The following TYW1 variants were observed in gnomAD, a reference collection of about 807,000 sequenced individuals.
TYW1 encodes the protein tRNA-yW synthesizing protein 1 homolog, also known as S-adenosyl-L-methionine-dependent tRNA 4-demethylwyosine synthase TYW1.
In TYW1, 46 loss-of-function variants were observed where a neutral mutation model predicts 96.2. The observed-to-expected ratio is 0.48, with a 90% CI of 0.38 to 0.61. The LOEUF is 0.61. TYW1 is among the 20% of genes least tolerant of loss of function. The pLI, the probability that TYW1 is intolerant of heterozygous loss-of-function variation, is 0.00. For missense variants in TYW1, 684 were observed against 909.6 expected (o/e 0.75, Z 3.19); for synonymous variants, 274 against 323.0 (o/e 0.85, Z 1.63).
At chr7:67,112,406 A>G (rs1172962721) in intron 12 of TYW1, among the ~76,000 whole-genome samples, 2 of 152,078 alleles carry the variant, frequency 1.3e-5, no homozygotes, top group Admixed American at 6.6e-5. Context: ...ACCTGAGGCC[A>G]GGAATTTAAG....
At chr7:67,124,304 G>A (rs765700052) in intron 13 of TYW1, among the ~76,000 whole-genome samples, 7 of 152,114 alleles carry the variant, frequency 4.6e-5, no homozygotes, top group Admixed American at 2.6e-4. Flanking sequence ...TCCTTTTGTT[G>A]CCCAAGCTGG....
intron 10 of TYW1, among the ~76,000 whole-genome samples, chr7:67,079,685 G>A (rs1796321926): frequency 6.6e-6 from 1 of 151,930 alleles, no homozygotes; most frequent in Non-Finnish European, 1.5e-5. Context: ...TGCATTGTTA[G>A]ATTGATATTT....
At chr7:67,001,907 G>A (rs1359453090) in intron 3 of TYW1, among the ~76,000 whole-genome samples, 3 of 151,858 alleles carry the variant, frequency 2.0e-5, no homozygotes, top group Non-Finnish European at 2.9e-5. Flanking sequence ...GGTGGTGCAC[G>A]TCTGTAATTC....
At chr7:67,000,993 A>G (rs1332033299) in intron 3 of TYW1, among the ~76,000 whole-genome samples, 2 of 152,060 alleles carry the variant, frequency 1.3e-5, no homozygotes, top group Non-Finnish European at 2.9e-5. Context: ...CCTGAAAAAA[A>G]GCAAAAAGGT....
intron 9 of TYW1, among the ~76,000 whole-genome samples, chr7:67,063,959 T>G (rs973830720): frequency 2.0e-5 from 3 of 152,164 alleles, no homozygotes; most frequent in Admixed American, 6.6e-5. Flanking sequence ...TCATTTACAG[T>G]CACTCCAACG....
intron 11 of TYW1, among the ~76,000 whole-genome samples, chr7:67,094,213 A>G (rs1038884700): frequency 3.9e-5 from 6 of 152,114 alleles, no homozygotes; most frequent in Non-Finnish European, 7.3e-5. Context: ...CATGGTGTAT[A>G]TGTACCATAT....
chr7:67,027,644 C>T (rs2129248273), intron 7 of TYW1, among the ~76,000 whole-genome samples: 1 of 152,218 alleles, frequency 6.6e-6, no homozygotes, highest in South Asian at 2.1e-4. Flanking sequence ...CAAAAAAAGG[C>T]AGACCTGCAG....
intron 11 of TYW1, among the ~76,000 whole-genome samples, chr7:67,094,557 C>T (rs1223079151): frequency 1.3e-5 from 2 of 151,982 alleles, no homozygotes; most frequent in African/African-American, 2.4e-5. Context: ...TTGCATTTCT[C>T]TGCAAATGAT....
At chr7:67,081,438 T>G (rs1201801418) in intron 10 of TYW1, among the ~76,000 whole-genome samples, 1 of 151,614 alleles carries the variant, frequency 6.6e-6, no homozygotes, top group Non-Finnish European at 1.5e-5. Flanking sequence ...TTTTTGGCAT[T>G]TAATCCATTT....
Position 67,094,037 on chromosome 7 carries a change from C to T in TYW1, c.1385-4504C>T, listed in dbSNP as rs531960136. ...TTGGAGTCTCTAGTCTCTATTATTT[C>T]CATCTTTAGGTCCGTGTGTACCCAT... On this transcript the variant is annotated intron_variant, in intron 11 of 15. Transcript: ENST00000359626. Among the ~76,000 whole-genome samples, 21 of 152,204 alleles carry T rather than the reference C, an allele frequency of 1.4e-4. No homozygotes were observed. The South Asian group carries it at 4.2e-3, about 30-fold the overall frequency.
At chr7:67,002,927 A>G (rs1793456029) in intron 3 of TYW1, among the ~76,000 whole-genome samples, 1 of 149,332 alleles carries the variant, frequency 6.7e-6, no homozygotes, top group African/African-American at 2.5e-5. Flanking sequence ...TGGCCTCCCA[A>G]AGTGCTGGGA....
At chr7:67,125,510 T>TATCAACATCACCCGC (rs74894792) in intron 13 of TYW1, among the ~76,000 whole-genome samples, 6,024 of 152,140 alleles carry the variant, frequency 0.04, 172 homozygotes, top group Middle Eastern at 0.1. Context: ...ATTACCTCCT[T>TATCAACATCACCCGC]ATCAACATCA....
At chr7:67,157,533 G>T (rs1339737607) in intron 13 of TYW1, among the ~76,000 whole-genome samples, 2 of 152,120 alleles carry the variant, frequency 1.3e-5, no homozygotes, top group Non-Finnish European at 2.9e-5. Flanking sequence ...TGATCCACTC[G>T]CCTCAACCTC....
rs566666107 is a variant in TYW1, at chr7:67,078,637, T to A, written c.1275-4793T>A. Among the ~76,000 whole-genome samples, 17 of 152,274 alleles carry A rather than the reference T, an allele frequency of 1.1e-4. No homozygotes were observed. In the East Asian group the frequency reaches 1.9e-3, roughly 17 times the overall value. ...CCATGGAGATGGGGTATCTTTCCAT[T>A]TTTTTGTGTGTGCTCTCTTCAATTT... On this transcript the variant is annotated intron_variant, in intron 10 of 15. Transcript: ENST00000359626.
intron 3 of TYW1, among the ~76,000 whole-genome samples, chr7:67,008,623 T>C (rs1793683198): frequency 2.6e-5 from 4 of 152,204 alleles, no homozygotes; most frequent in Admixed American, 2.6e-4. Context: ...CCGGCTTCTT[T>C]TCATGTTTCC....
At chr7:67,212,273 A>C (rs1426746950) in intron 15 of TYW1, among the ~76,000 whole-genome samples, 2 of 141,350 alleles carry the variant, frequency 1.4e-5, no homozygotes, top group African/African-American at 2.7e-5. Flanking sequence ...TTTTTTTTTT[A>C]ACTTAGCAAT....
intron 5 of TYW1, among the ~76,000 whole-genome samples, chr7:67,017,128 A>G (rs539472993): frequency 6.6e-6 from 1 of 151,960 alleles, no homozygotes; most frequent in East Asian, 1.9e-4. Flanking sequence ...AATTATAGGC[A>G]TGTGCCACCA....
At chr7:67,139,647 T>G (rs936376446) in intron 13 of TYW1, among the ~76,000 whole-genome samples, 2 of 151,962 alleles carry the variant, frequency 1.3e-5, no homozygotes, top group African/African-American at 4.8e-5. Flanking sequence ...CCCTTTCTAT[T>G]TGCAGTTGGT....
intron 13 of TYW1, among the ~76,000 whole-genome samples, chr7:67,140,450 T>TA (rs1383481951): frequency 1.3e-5 from 2 of 152,154 alleles, no homozygotes; most frequent in Non-Finnish European, 2.9e-5. Context: ...GGTACACTTT[T>TA]AAAAAATGTT....
Sources: allele counts gnomAD v4.1 joint callset (sites outside exome capture counted in the v4.1 genomes callset), GRCh38; gene constraint gnomAD v4.1.1; transcripts MANE v1.5; gene names NCBI Gene and HGNC (gene_info 2026-07-23, HGNC 2026-07-21).